The following ADGRL2 variants were observed in gnomAD, a reference collection of about 807,000 sequenced individuals.
ADGRL2 encodes the protein adhesion G protein-coupled receptor L2, also known as calcium-independent alpha-latrotoxin receptor 2.
Under a neutral mutation model 157.4 loss-of-function variants are expected in ADGRL2, and 44 were observed. The observed-to-expected ratio is 0.28, with a 90% CI of 0.22 to 0.36. ADGRL2 has a LOEUF of 0.36. ADGRL2 is among the 10% of genes least tolerant of loss of function. The probability of loss-of-function intolerance (pLI) is 1.00; values close to 1 mark genes in which losing one functional copy is unlikely to be tolerated. For missense variants in ADGRL2, 1,510 were observed against 1,768.9 expected (o/e 0.85, Z 2.63); for synonymous variants, 585 against 624.7 (o/e 0.94, Z 0.95).
intron 1 of ADGRL2, among the ~76,000 whole-genome samples, chr1:81,398,778 T>C (rs1363633432): frequency 6.6e-6 from 1 of 152,202 alleles, no homozygotes; most frequent in East Asian, 1.9e-4. Context: ...GACAGTCTAA[T>C]GGAGATTTTC....
At chr1:81,531,386 T>G (rs74635775) in intron 2 of ADGRL2, among the ~76,000 whole-genome samples, 7,448 of 152,270 alleles carry the variant, frequency 0.049, 593 homozygotes, top group African/African-American at 0.17. Flanking sequence ...CTGATAGAGA[T>G]TCTGAGAATT....
intron 2 of ADGRL2, among the ~76,000 whole-genome samples, chr1:81,546,895 A>T (rs2080030786): frequency 6.6e-6 from 1 of 152,128 alleles, no homozygotes. Flanking sequence ...TCCATCCCCA[A>T]GGCATTCTGA....
intron 1 of ADGRL2, among the ~76,000 whole-genome samples, chr1:81,349,739 T>C (rs998175585): frequency 2.4e-4 from 37 of 151,832 alleles, no homozygotes; most frequent in African/African-American, 8.2e-4. Context: ...TGGAAGCAGA[T>C]ACAGGAAAAA....
intron 1 of ADGRL2, among the ~76,000 whole-genome samples, chr1:81,403,917 C>T (rs972462256): frequency 5.3e-5 from 8 of 151,708 alleles, no homozygotes; most frequent in African/African-American, 1.9e-4. Flanking sequence ...CCTGCCTCAG[C>T]CTCCCAAGTA....
intron 2 of ADGRL2, among the ~76,000 whole-genome samples, chr1:81,850,462 A>G (rs2092962654): frequency 6.6e-6 from 1 of 151,916 alleles, no homozygotes; most frequent in African/African-American, 2.4e-5. Flanking sequence ...GTGAAACAAA[A>G]TCTAAAAGGC....
chr1:81,434,915 C>G (rs1433554872), intron 1 of ADGRL2, among the ~76,000 whole-genome samples: 1 of 152,116 alleles, frequency 6.6e-6, no homozygotes, highest in Non-Finnish European at 1.5e-5. Context: ...TGAAATCAGG[C>G]AACAAGGCAC....
chr1:81,474,345 C>G (rs2078230630), intron 2 of ADGRL2, among the ~76,000 whole-genome samples: 1 of 152,154 alleles, frequency 6.6e-6, no homozygotes, highest in Non-Finnish European at 1.5e-5. Context: ...TTTGTTTCCA[C>G]TTCATACTCT....
chr1:81,705,659 A>G (rs908985147), intron 1 of ADGRL2, among the ~76,000 whole-genome samples: 6 of 151,974 alleles, frequency 3.9e-5, no homozygotes, highest in African/African-American at 1.4e-4. Context: ...GCTCACACCT[A>G]TAATCCCAGC....
chr1:81,445,638 T>G (rs1570986940), intron 2 of ADGRL2, among the ~76,000 whole-genome samples: 1 of 152,292 alleles, frequency 6.6e-6, no homozygotes, highest in Middle Eastern at 3.4e-3. Flanking sequence ...TAAGTAATTA[T>G]ACATTCCTAG....
chr1:81,594,718 T>C (rs2081199130), intron 3 of ADGRL2, among the ~76,000 whole-genome samples: 1 of 152,270 alleles, frequency 6.6e-6, no homozygotes, highest in African/African-American at 2.4e-5. Flanking sequence ...TTTAAAAAAT[T>C]AGAAATCTTT....
chr1:81,376,515 C>T (rs2076252815), intron 1 of ADGRL2, among the ~76,000 whole-genome samples: 1 of 151,760 alleles, frequency 6.6e-6, no homozygotes. Flanking sequence ...TTTCCTCCTT[C>T]CTTCTCTCCT....
upstream of ADGRL2, among the ~76,000 whole-genome samples, chr1:81,696,272 T>C (rs1289404442): frequency 6.6e-6 from 1 of 152,168 alleles, no homozygotes; most frequent in Non-Finnish European, 1.5e-5. Context: ...TGTAAAGCTT[T>C]TTACAGAACA....
chr1:81,388,930 G>A (rs1257387886), intron 1 of ADGRL2, among the ~76,000 whole-genome samples: 4 of 152,084 alleles, frequency 2.6e-5, no homozygotes, highest in Non-Finnish European at 4.4e-5. Context: ...CTCAACGTAG[G>A]TAGATAGTCT....
At position 81,766,847 on chromosome 1, in the gene ADGRL2, GAAA is replaced by G. The variant is rs66946051; in HGVS notation, c.-101+5008_-101+5010del. Reference sequence around the variant, plus strand: ...CTCCGTCTCAAAAAAAAAAAAAAAGGAAAAAAAAAAAAAAAGAAAAAGAAATGC... The same window carrying G: ...CTCCGTCTCAAAAAAAAAAAAAAAGGAAAAAAAAAAAAGAAAAAGAAATGC... On this transcript the variant is annotated intron_variant, in intron 2 of 20. Transcript: ENST00000359929. Among the ~76,000 whole-genome samples, 287 of 117,822 alleles carry G rather than the reference GAAA, an allele frequency of 2.4e-3. 7 individuals are homozygous for G. The South Asian group carries it at 0.044, about 18-fold the overall frequency. 77.3% of individuals were successfully genotyped at this position (117,822 alleles called of 152,430 possible).
In ADGRL2 at chr1:81,487,818, G is replaced by A. The variant is rs116362674; in HGVS notation, c.-248+42729G>A. On this transcript the variant is annotated intron_variant, in intron 2 of 24. Coordinates refer to the ADGRL2 transcript ENST00000370721. The stretch of plus-strand genomic sequence containing the variant: ...ACTTGAAAAATGGACTGGCTGAGGA[G>A]GAGATGTACAAATATATACAAGTAT... Among the ~76,000 whole-genome samples the A allele has an allele frequency of 3.7e-3, 566 of 152,190 alleles. 4 individuals carry two copies. Among genetic ancestry groups the A allele is most frequent in the African/African-American group, 0.013 (535 of 41,502 alleles).
chr1:81,597,481 A>G (rs2081258332), intron 3 of ADGRL2, among the ~76,000 whole-genome samples: 1 of 152,226 alleles, frequency 6.6e-6, no homozygotes, highest in South Asian at 2.1e-4. Flanking sequence ...ACGTGAATTT[A>G]TTTAGTGTTT....
At chr1:81,604,419 A>C (rs1402634073) in intron 3 of ADGRL2, among the ~76,000 whole-genome samples, 1 of 152,212 alleles carries the variant, frequency 6.6e-6, no homozygotes, top group African/African-American at 2.4e-5. Flanking sequence ...CTCCCAGGTT[A>C]GAGTATAGCA....
intron 3 of ADGRL2, among the ~76,000 whole-genome samples, chr1:81,919,146 A>G (rs2094924256): frequency 6.6e-6 from 1 of 152,172 alleles, no homozygotes; most frequent in African/African-American, 2.4e-5. Context: ...TCAGAGATTT[A>G]GGATTTGGGA....
intron 17 of ADGRL2, among the ~76,000 whole-genome samples, chr1:81,972,956 A>T (rs1339728249): frequency 6.6e-6 from 1 of 151,816 alleles, no homozygotes. Flanking sequence ...TATGGTGAGA[A>T]ATGGTGTTAT....
Sources: gnomAD v4.1 joint callset for allele counts (sites outside exome capture counted in the v4.1 genomes callset) on GRCh38, gnomAD v4.1.1 for gene constraint, MANE v1.5 for transcripts, NCBI Gene and HGNC (gene_info 2026-07-23, HGNC 2026-07-21) for gene names.